RAG1: variants seen among roughly 807,000 people sequenced by gnomAD.
RAG1 encodes V(D)J recombination-activating protein 1.
RAG1 carries 35 observed loss-of-function variants against 62.7 expected under a neutral mutation model. The observed-to-expected ratio is 0.56, with a 90% CI of 0.43 to 0.74. RAG1 has a LOEUF of 0.74. Among genes scored for constraint, RAG1 ranks in the 30% least tolerant of loss-of-function variants. The pLI is 0.00. For missense variants in RAG1, 1,169 were observed against 1,278.6 expected, an observed-to-expected ratio of 0.91 and a Z score of 1.31; for synonymous variants, 461 against 470.3, an observed-to-expected ratio of 0.98 and a Z score of 0.26.
chr11:36,523,826 G>A (rs781755447), intron 2 of RAG1, among the ~76,000 whole-genome samples: 1 of 151,896 alleles, frequency 6.6e-6, no homozygotes, highest in Non-Finnish European at 1.5e-5. Context: ...TGCTTTACTC[G>A]GTTTCTACCA....
chr11:36,566,704 T>A (rs901965232), upstream of RAG1, among the ~76,000 whole-genome samples: 3 of 152,204 alleles, frequency 2.0e-5, no homozygotes, highest in Non-Finnish European at 4.4e-5. Flanking sequence ...AGGTAAAGGC[T>A]GCATCTCCTT....
Position 36,576,113 on chromosome 11 carries a change from A to C in RAG1, c.2809A>C (p.Asn937His), listed in dbSNP as rs1306622509. 1.2e-6 allele frequency: 2 copies of C among 1,613,986 alleles called. No individual in the cohort carries two copies. Among genetic ancestry groups the C allele is most frequent in the Non-Finnish European group, 8.5e-7 (1 of 1,180,032 alleles). Residue 937 changes from asparagine to histidine, a missense_variant, in exon 2 of 2, where the codon AAT (asparagine) becomes CAT (histidine). Asn to His is a moderately conservative substitution (Grantham distance 68). Around this residue, in one of 2 missense-constraint regions of RAG1, gnomAD observed 800 missense variants for 943.3 expected, o/e 0.85. Transcript: ENST00000299440. ...GTATAGGTATGAGGGAAAAATCACC[A>C]ATTATTTTCACAAAACCCTGGCCCA... ...FKYRYEGKIT[N>H]YFHKTLAHVP...
chr11:36,562,004 T>A (rs1590692503), intron 3 of RAG1, among the ~76,000 whole-genome samples: 1 of 152,086 alleles, frequency 6.6e-6, no homozygotes, highest in Admixed American at 6.5e-5. Flanking sequence ...TGGCTGCGGG[T>A]AAGTGGGAGA....
intron 2 of RAG1, among the ~76,000 whole-genome samples, chr11:36,533,538 T>G (rs1860285091): frequency 6.6e-6 from 1 of 152,192 alleles, no homozygotes; most frequent in Non-Finnish European, 1.5e-5. Context: ...TCATAAAATG[T>G]CTAAATAGGC....
intron 1 of RAG1, among the ~76,000 whole-genome samples, chr11:36,513,500 A>AT (rs1859954765): frequency 6.6e-6 from 1 of 152,252 alleles, no homozygotes; most frequent in South Asian, 2.1e-4. Context: ...AACAACCATT[A>AT]TAAGTGTGTG....
chr11:36,520,404 G>A (rs1477603763), intron 2 of RAG1, among the ~76,000 whole-genome samples: 1 of 152,150 alleles, frequency 6.6e-6, no homozygotes, highest in African/African-American at 2.4e-5. Flanking sequence ...GAGTAGCTGG[G>A]ACTACAGGCT....
In RAG1 at chr11:36,575,292, C is replaced by G; in HGVS notation, c.1988C>G (p.Ala663Gly). 6.2e-7 allele frequency: 1 copy of G among 1,614,248 alleles called. No individual in the cohort carries two copies. Among genetic ancestry groups the G allele is most frequent in the Non-Finnish European group, 8.5e-7 (1 of 1,180,048 alleles). Residue 663 changes from alanine to glycine, a missense_variant, in exon 2 of 2, where the codon GCA becomes GGA. Coordinates refer to ENST00000299440, the MANE Select transcript of RAG1 (RefSeq NM_000448.3). The surrounding 1 kb of genome is among the most constrained non-coding windows in gnomAD (Gnocchi z 4.1). ...TGCAAGCCATTGTGCCTTATGCTGG[C>G]AGATGAGTCTGACCACGAGACGCTG... ...LCCKPLCLML[A>G]DESDHETLTA...
intron 2 of RAG1, among the ~76,000 whole-genome samples, chr11:36,525,855 C>T (rs553059297): frequency 3.9e-5 from 6 of 152,020 alleles, no homozygotes; most frequent in South Asian, 2.1e-4. Flanking sequence ...CAAATAGAAA[C>T]GGTTTCATTT....
intron 3 of RAG1, among the ~76,000 whole-genome samples, chr11:36,551,020 C>T (rs1850474051): frequency 6.6e-6 from 1 of 152,106 alleles, no homozygotes; most frequent in South Asian, 2.1e-4. Context: ...AGGTTGTTCT[C>T]AGTTGGCAAA....
At chr11:36,542,708 T>C (rs1330518809) in intron 3 of RAG1, among the ~76,000 whole-genome samples, 1 of 152,174 alleles carries the variant, frequency 6.6e-6, no homozygotes, top group Non-Finnish European at 1.5e-5. Flanking sequence ...CAGGGGACTT[T>C]CAGTCATATG....
chr11:36,511,138 A>T (rs1051121839), intron 1 of RAG1: 1 of 152,238 alleles, frequency 6.6e-6, no homozygotes, highest in Non-Finnish European at 1.5e-5. Context: ...AGGATGAGAT[A>T]AAATATGTAA....
downstream of RAG1, among the ~76,000 whole-genome samples, chr11:36,537,141 T>C (rs942583074): frequency 7.2e-5 from 11 of 151,988 alleles, no homozygotes; most frequent in African/African-American, 2.2e-4. Context: ...TTAGTAGAAA[T>C]AAAAAATCTT....
At chr11:36,549,950 T>G (rs1850458406) in intron 3 of RAG1, among the ~76,000 whole-genome samples, 2 of 151,936 alleles carry the variant, frequency 1.3e-5, no homozygotes, top group Non-Finnish European at 2.9e-5. Context: ...AAAGGATGAG[T>G]TCATGTCATT....
intron 2 of RAG1, among the ~76,000 whole-genome samples, chr11:36,524,670 G>A (rs945124697): frequency 2.6e-5 from 4 of 151,838 alleles, no homozygotes; most frequent in South Asian, 2.1e-4. Flanking sequence ...TGTAATTTTT[G>A]TAGAGACAGT....
At position 36,576,458 on chromosome 11, in the gene RAG1, T is replaced by G. The variant is rs754317297; in HGVS notation, c.*22T>G. The G allele has an allele frequency of 3.1e-6, 5 of 1,613,452 alleles. 1 individual carries two copies. In the South Asian group the frequency reaches 5.5e-5, roughly 18 times the overall value. ...TTAAGTAGGGCAACCACTTATGAGT[T>G]GGTTTTTGCAATTGAGTTTCCCTCT... On this transcript the variant is annotated 3_prime_UTR_variant, in exon 2 of 2. Coordinates refer to ENST00000299440, the MANE Select transcript of RAG1 (RefSeq NM_000448.3).
chr11:36,533,231 T>C lies in RAG1; in HGVS notation n.429-2728T>C, dbSNP rs535483052. ...AACCCGAGGAGGGGGTGCTACTTTC[T>C]GGGGTCCCTCAGCTGCTGTGCTAGT... On this transcript the variant is annotated intron_variant and non_coding_transcript_variant, in intron 2 of 2. Coordinates refer to the RAG1 transcript ENST00000529126. Among the ~76,000 whole-genome samples, 3 of 152,306 alleles carry C rather than the reference T, an allele frequency of 2.0e-5. No individual in the cohort carries two copies. The East Asian group carries it at 5.8e-4, about 29-fold the overall frequency.
downstream of RAG1, among the ~76,000 whole-genome samples, chr11:36,536,660 T>C (rs978813169): frequency 1.3e-5 from 2 of 151,472 alleles, no homozygotes; most frequent in African/African-American, 4.8e-5. Flanking sequence ...CATAGGTAGG[T>C]GAAAGGATGA....
rs779509533 is a variant in RAG1, at chr11:36,550,828, T to C, written c.-411-12557T>C. ...TCACAGACTAAGAGAGAAAAAAGTG[T>C]CCTTTCTCTCTATTGTTCATATCAA... On this transcript the variant is annotated intron_variant and NMD_transcript_variant, in intron 3 of 9. Coordinates refer to the RAG1 transcript ENST00000534663. Among the ~76,000 whole-genome samples, 3 of 152,204 alleles carry C rather than the reference T, an allele frequency of 2.0e-5. No homozygotes were observed. In the Middle Eastern group the frequency reaches 0.01, roughly 518 times the overall value.
chr11:36,551,601 CTTTTTTT>C (rs199642455), intron 3 of RAG1, among the ~76,000 whole-genome samples: 3 of 133,196 alleles, frequency 2.3e-5, no homozygotes, highest in Admixed American at 7.5e-5. Flanking sequence ...TTAATTACTT[CTTTTTTT>C]TTTTTTTTTT....
Sources: gnomAD v4.1 joint callset for allele counts (sites outside exome capture counted in the v4.1 genomes callset) on GRCh38, gnomAD v4.1.1 for gene constraint, gnomAD v4.1.1 regional missense constraint, Gnocchi (gnomAD v3.1) non-coding constraint, MANE v1.5 for transcripts, NCBI Gene and HGNC (gene_info 2026-07-23, HGNC 2026-07-21) for gene names.